The following SPEN variants were observed in gnomAD, a reference collection of about 807,000 sequenced individuals.
The protein encoded by SPEN is msx2-interacting protein.
In SPEN, 18 loss-of-function variants were observed where a neutral mutation model predicts 269.9. That is an observed-to-expected ratio of 0.07 (90% CI 0.05 to 0.10). The LOEUF is 0.10. SPEN is among the 10% of genes least tolerant of loss of function. The pLI is 1.00. For missense variants in SPEN, 3,822 were observed against 4,631.2 expected (o/e 0.83, Z 5.07); for synonymous variants, 1,726 against 1,765.7 (o/e 0.98, Z 0.56).
At position 15,937,430 on chromosome 1, in the gene SPEN, C is replaced by G; in HGVS notation, c.10294C>G (p.Pro3432Ala). 6.2e-7 allele frequency: 1 copy of G among 1,613,746 alleles called. No individual in the cohort carries two copies. Among genetic ancestry groups the G allele is most frequent in the South Asian group, 1.1e-5 (1 of 91,076 alleles). Residue 3432 changes from proline to alanine, a missense_variant, in exon 12 of 15, where the codon CCC becomes GCC. This residue lies in a region of SPEN where 359 missense variants were observed against 377.3 expected (regional missense o/e 0.95). Transcript: ENST00000375759. The surrounding 1 kb of genome is among the most constrained non-coding windows in gnomAD (Gnocchi z 5.7). ...AGCAGAAACAGGCCCGACTTCCTTC[C>G]CCTCCCCTGTGTCTGTCTCCATGAA... ...AQAETGPTSFPSPVSVSMKPD... is the reference protein window; with the variant it reads ...AQAETGPTSFASPVSVSMKPD...
chr1:15,920,808 G>T, intron 8 of SPEN, 62 bp from the exon 9 acceptor site: 1 of 801,534 alleles, frequency 1.2e-6, no homozygotes, highest in Non-Finnish European at 1.9e-6. Flanking sequence ...GGATTTTGTT[G>T]GGACTGACAC....
chr1:15,925,288 T>G (rs968599137), intron 10 of SPEN, among the ~76,000 whole-genome samples: 3 of 152,164 alleles, frequency 2.0e-5, no homozygotes, highest in African/African-American at 7.2e-5. Context: ...AGGGTCACAT[T>G]GTGATTCAGA....
intron 11 of SPEN, among the ~76,000 whole-genome samples, chr1:15,936,493 A>G (rs1005181166): frequency 1.3e-5 from 2 of 151,636 alleles, no homozygotes; most frequent in African/African-American, 4.8e-5. Context: ...AAAAAAAATT[A>G]CAAAAATTAG....
Position 15,916,124 on chromosome 1 carries a change from A to G in SPEN, c.1244-4A>G. 6.2e-7 allele frequency: 1 copy of G among 1,610,064 alleles called. No homozygotes were observed. Among genetic ancestry groups the G allele is most frequent in the Non-Finnish European group, 8.5e-7 (1 of 1,178,760 alleles). On this transcript the variant is annotated splice_region_variant and splice_polypyrimidine_tract_variant and intron_variant, in intron 5 of 14. Transcript: ENST00000375759. ...TTTTTACTCGGCCCCCATTCCACTT[A>G]CAGAAACAGAAAGTGAAAATGAATT... is the stretch of plus-strand genomic sequence containing the variant.
chr1:15,880,362 A>AT (rs2070675154), intron 3 of SPEN, among the ~76,000 whole-genome samples: 1 of 150,370 alleles, frequency 6.7e-6, no homozygotes, highest in Non-Finnish European at 1.5e-5. Flanking sequence ...CTATATTTAC[A>AT]TGTTGCTTTT....
chr1:15,910,775 C>T (rs1273638872), intron 4 of SPEN, among the ~76,000 whole-genome samples: 1 of 152,082 alleles, frequency 6.6e-6, no homozygotes. Context: ...ATAACCAATA[C>T]TATCATCTAA....
chr1:15,893,795 G>A (rs533227721), intron 3 of SPEN, among the ~76,000 whole-genome samples: 4 of 152,086 alleles, frequency 2.6e-5, no homozygotes, highest in Non-Finnish European at 5.9e-5. Context: ...CAGCACTTTG[G>A]GGGAGGCTAA....
chr1:15,876,609 G>T lies in SPEN; in HGVS notation c.812G>T (p.Gly271Val), dbSNP rs1197165022. Residue 271 changes from glycine to valine, a missense_variant, in exon 3 of 15, where the codon GGC (glycine) becomes GTC (valine). Gly to Val is a moderately radical substitution (Grantham distance 109). Coordinates refer to ENST00000375759, the MANE Select transcript of SPEN (RefSeq NM_015001.3). ...TCTAGACCCACAAGGTCCCCTAGCG[G>T]CAGCGGCTCTAGAAGTAGATCCTCC... ...QASRPTRSPS[G>V]SGSRSRSSSS... 1 of 1,613,978 alleles carries T rather than the reference G, an allele frequency of 6.2e-7. No individual in the cohort carries two copies. The highest frequency in any genetic ancestry group is 1.7e-5 in the Admixed American group (1 of 60,004).
chr1:15,888,709 C>T (rs886997601), intron 3 of SPEN, among the ~76,000 whole-genome samples: 7 of 151,682 alleles, frequency 4.6e-5, no homozygotes, highest in East Asian at 1.9e-4. Context: ...CTCGGCTCAC[C>T]GCGACCTCCA....
rs1179202242 is a variant in SPEN at position 15,933,777 on chromosome 1, A to G, written c.7537A>G (p.Thr2513Ala). ...TRQEEPRAQS[T>A]PSPALPPDTK... ...GCAGGAGGAGCCACGGGCTCAGTCT[A>G]CTCCATCTCCAGCTCTTCCCCCAGA... is the stretch of plus-strand genomic sequence containing the variant. Residue 2513 changes from threonine (T) to alanine (A), a missense_variant, in exon 11 of 15, where the codon ACT (threonine) becomes GCT (alanine). Transcript: ENST00000375759. The surrounding 1 kb of genome is among the most constrained non-coding windows in gnomAD (Gnocchi z 5.7). The G allele has an allele frequency of 1.1e-5, 17 of 1,613,520 alleles. No individual in the cohort carries two copies. Among genetic ancestry groups the G allele is most frequent in the Admixed American group, 8.3e-5 (5 of 59,974 alleles).
In SPEN at chr1:15,934,094, T is replaced by C. The variant is rs146066674; in HGVS notation, c.7854T>C (p.Ile2618=). Residue 2618 remains isoleucine (I), a synonymous_variant, in exon 11 of 15, where the codon ATT becomes ATC. Coordinates refer to ENST00000375759, the MANE Select transcript of SPEN (RefSeq NM_015001.3). The surrounding 1 kb of genome is among the most constrained non-coding windows in gnomAD (Gnocchi z 9.2). ...EKVAPVIAPK[I]TSVISRMPVS... ...TGGCTCCAGTCATTGCTCCCAAAAT[T>C]ACCTCTGTTATTAGCCGGATGCCTG... 15 of 1,611,516 alleles carry C rather than the reference T, an allele frequency of 9.3e-6. No individual in the cohort carries two copies. The highest frequency in any genetic ancestry group is 1.3e-5 in the Non-Finnish European group (15 of 1,178,102).
chr1:15,932,368 G>A lies in SPEN; in HGVS notation c.6128G>A (p.Arg2043His), dbSNP rs756454037. The A allele has an allele frequency of 4.3e-6, 7 of 1,614,078 alleles. No homozygotes were observed. Among genetic ancestry groups the A allele is most frequent in the African/African-American group, 1.3e-5 (1 of 75,016 alleles). ...AEEEAGSEQK[R>H]DRKDAGTDKN... Reference sequence around the variant, plus strand: ...GAGGAGGCAGGGAGTGAACAGAAACGTGACAGAAAAGATGCTGGCACAGAC... The same window carrying A: ...GAGGAGGCAGGGAGTGAACAGAAACATGACAGAAAAGATGCTGGCACAGAC... Residue 2043 changes from arginine to histidine, a missense_variant, in exon 11 of 15, where the codon CGT becomes CAT. Transcript: ENST00000375759. This position sits in a 1 kb window ranked among gnomAD's most constrained non-coding sequence, Gnocchi z 4.2.
At position 15,939,023 on chromosome 1, in the gene SPEN, G is replaced by C; in HGVS notation, c.10863+147G>C. 2.7e-6 allele frequency: 3 copies of C among 1,115,024 alleles called. No homozygotes were observed. The highest frequency in any genetic ancestry group is 2.5e-5 in the East Asian group (1 of 40,434). The allele number at this position is 1,115,024 out of a possible 1,614,324, so 69.1% of individuals were successfully genotyped here. The stretch of plus-strand genomic sequence containing the variant: ...GGACAGAAGTCAGTAGAGCACATGG[G>C]GCGGGGCGCCATCACCCATCCTGAA... On this transcript the variant is annotated intron_variant, in intron 14 of 14. Transcript: ENST00000375759. The surrounding 1 kb of genome is among the most constrained non-coding windows in gnomAD (Gnocchi z 4.1).
chr1:15,922,154 GA>G, intron 9 of SPEN, 94 bp from the exon 10 acceptor site: 1 of 882,540 alleles, frequency 1.1e-6, no homozygotes, highest in Non-Finnish European at 1.8e-6. Context: ...AATTTTCTCA[GA>G]AGGGCTATGT....
rs1557760242 is a variant in SPEN at position 15,931,992 on chromosome 1, T to C, written c.5752T>C (p.Ser1918Pro). The C allele has an allele frequency of 6.2e-7, 1 of 1,614,054 alleles. No homozygotes were observed. The highest frequency in any genetic ancestry group is 2.2e-5 in the East Asian group (1 of 44,874). Residue 1918 changes from serine to proline, a missense_variant, in exon 11 of 15, where the codon TCT becomes CCT. Ser to Pro is a moderately conservative substitution (Grantham distance 74). Around this residue, in one of 16 missense-constraint regions of SPEN, gnomAD observed 533 missense variants for 618.8 expected, o/e 0.86. Coordinates refer to ENST00000375759, the MANE Select transcript of SPEN (RefSeq NM_015001.3). The surrounding 1 kb of genome is among the most constrained non-coding windows in gnomAD (Gnocchi z 4.8). ...YATMGDHENR[S>P]PVKEPVEQPR... ...AACCATGGGTGACCATGAAAACCGC[T>C]CTCCTGTCAAAGAGCCCGTTGAGCA...
chr1:15,873,635 CA>C (rs2070602870), intron 2 of SPEN: 1 of 994,798 alleles, frequency 1.0e-6, no homozygotes, highest in Non-Finnish European at 1.2e-6. Context: ...CATAATGATT[CA>C]ACCACTTGGA....
chr1:15,884,223 G>T (rs1346300041), intron 3 of SPEN, among the ~76,000 whole-genome samples: 3 of 152,152 alleles, frequency 2.0e-5, no homozygotes, highest in Non-Finnish European at 4.4e-5. Flanking sequence ...ATGAAAGTCT[G>T]CAGTCTAATA....
intron 3 of SPEN, among the ~76,000 whole-genome samples, chr1:15,894,663 C>T (rs1187518130): frequency 1.3e-5 from 2 of 150,646 alleles, no homozygotes; most frequent in African/African-American, 4.9e-5. Flanking sequence ...GCCTCAGCCT[C>T]CAGAATAGCT....
At chr1:15,926,096 A>G (rs375194872) in intron 10 of SPEN, among the ~76,000 whole-genome samples, 3 of 152,206 alleles carry the variant, frequency 2.0e-5, no homozygotes, top group East Asian at 3.8e-4. Context: ...AGGAAGTTCA[A>G]TATAAGTACA....
Sources: gnomAD v4.1 joint callset for allele counts (sites outside exome capture counted in the v4.1 genomes callset) on GRCh38, gnomAD v4.1.1 for gene constraint, gnomAD v4.1.1 regional missense constraint, Gnocchi (gnomAD v3.1) non-coding constraint, MANE v1.5 for transcripts, NCBI Gene and HGNC (gene_info 2026-07-23, HGNC 2026-07-21) for gene names.